The following CTNNA3 variants were observed in gnomAD, a reference collection of about 807,000 sequenced individuals.
CTNNA3 encodes the protein catenin alpha 3, also known as catenin alpha-3.
Under a neutral mutation model 95.7 loss-of-function variants are expected in CTNNA3, and 76 were observed. The ratio of observed to expected loss-of-function variants is 0.79; its 90% confidence interval spans 0.66 to 0.96. The LOEUF (loss-of-function observed/expected upper bound fraction) is 0.96, where lower values mean the gene tolerates loss of function less well. Among genes scored for constraint, CTNNA3 ranks in the 40% least tolerant of loss-of-function variants. CTNNA3 has a pLI of 0.00. For synonymous variants in CTNNA3, 431 were observed against 374.4 expected, an observed-to-expected ratio of 1.15 and a Z score of -1.74; for missense variants, 1,191 against 1,089.8, an observed-to-expected ratio of 1.09 and a Z score of -1.31.
intron 7 of CTNNA3, among the ~76,000 whole-genome samples, chr10:66,970,293 C>T (rs1453215661): frequency 6.6e-6 from 1 of 152,142 alleles, no homozygotes; most frequent in Admixed American, 6.5e-5. Flanking sequence ...TTTACAGTTA[C>T]TCTGTTGTAT....
At chr10:66,569,330 T>A (rs1326704120) in intron 10 of CTNNA3, among the ~76,000 whole-genome samples, 1 of 152,174 alleles carries the variant, frequency 6.6e-6, no homozygotes, top group Non-Finnish European at 1.5e-5. Flanking sequence ...ATTATCAAGG[T>A]TAATAAGAGA....
At chr10:65,985,031 G>A (rs570265114) in intron 16 of CTNNA3, among the ~76,000 whole-genome samples, 11 of 150,792 alleles carry the variant, frequency 7.3e-5, no homozygotes, top group Non-Finnish European at 1.3e-4. Flanking sequence ...AAAGTAACAC[G>A]GAAAAGACAT....
At chr10:67,370,237 C>A (rs1429779223) in intron 5 of CTNNA3, among the ~76,000 whole-genome samples, 1 of 152,046 alleles carries the variant, frequency 6.6e-6, no homozygotes, top group South Asian at 2.1e-4. Flanking sequence ...AAGATCTCCA[C>A]TTGATTTTTT....
At chr10:67,672,205 T>C (rs1289659494) in intron 1 of CTNNA3, among the ~76,000 whole-genome samples, 1 of 152,186 alleles carries the variant, frequency 6.6e-6, no homozygotes, top group Non-Finnish European at 1.5e-5. Flanking sequence ...TTGGTGGGGT[T>C]GTTTGTTTTT....
intron 7 of CTNNA3, among the ~76,000 whole-genome samples, chr10:66,831,634 T>C (rs752388999): frequency 2.4e-4 from 36 of 151,870 alleles, no homozygotes; most frequent in Non-Finnish European, 4.7e-4. Flanking sequence ...AGACAGTAAA[T>C]CCTCAGCCTA....
At chr10:67,385,409 A>G (rs1211611240) in intron 5 of CTNNA3, among the ~76,000 whole-genome samples, 1 of 152,334 alleles carries the variant, frequency 6.6e-6, no homozygotes, top group Non-Finnish European at 1.5e-5. Context: ...ACTTGAACCA[A>G]AAAGAACACT....
intron 9 of CTNNA3, among the ~76,000 whole-genome samples, chr10:66,642,291 CACACACACACACACAA>C (rs1845546568): frequency 1.5e-5 from 2 of 132,176 alleles, no homozygotes; most frequent in East Asian, 5.7e-4. Flanking sequence ...CACACACACA[CACACACACACACACAA>C]AACCTGATAT....
chr10:67,286,802 C>T (rs944402637), intron 5 of CTNNA3, among the ~76,000 whole-genome samples: 5 of 152,110 alleles, frequency 3.3e-5, no homozygotes, highest in African/African-American at 1.2e-4. Context: ...CACAGAACTA[C>T]AAAATTTTAA....
intron 1 of CTNNA3, among the ~76,000 whole-genome samples, chr10:67,655,777 C>T (rs1274230938): frequency 7.7e-6 from 1 of 129,618 alleles, no homozygotes; most frequent in Admixed American, 7.4e-5. Flanking sequence ...AGCGAGACTC[C>T]GTCTCAAAAA....
intron 10 of CTNNA3, among the ~76,000 whole-genome samples, chr10:66,563,950 C>T (rs1842629023): frequency 6.6e-6 from 1 of 152,036 alleles, no homozygotes; most frequent in Non-Finnish European, 1.5e-5. Context: ...CAATGTACAT[C>T]TTATATATAT....
At chr10:67,332,081 G>C (rs999703970) in intron 5 of CTNNA3, among the ~76,000 whole-genome samples, 7 of 152,142 alleles carry the variant, frequency 4.6e-5, no homozygotes, top group Admixed American at 3.3e-4. Flanking sequence ...GAATCTGTGT[G>C]ATTAAGTCTA....
intron 7 of CTNNA3, among the ~76,000 whole-genome samples, chr10:66,948,669 A>C (rs892365157): frequency 2.2e-4 from 34 of 152,214 alleles, no homozygotes; most frequent in African/African-American, 7.7e-4. Flanking sequence ...GGGGTGTTCT[A>C]TCCTGGACTG....
chr10:67,059,045 C>T (rs780100116), intron 7 of CTNNA3, among the ~76,000 whole-genome samples: 7 of 152,204 alleles, frequency 4.6e-5, no homozygotes, highest in Non-Finnish European at 8.8e-5. Context: ...GGACATTTCT[C>T]ACAAAGGATT....
chr10:66,766,499 C>T, intron 8 of CTNNA3, 83 bp from the exon 9 acceptor site: 3 of 1,218,274 alleles, frequency 2.5e-6, no homozygotes, highest in Admixed American at 2.3e-5. Context: ...TCAGTAGTTA[C>T]ACAACTCATT....
At chr10:66,955,345 T>C (rs1317213257) in intron 7 of CTNNA3, among the ~76,000 whole-genome samples, 1 of 152,194 alleles carries the variant, frequency 6.6e-6, no homozygotes, top group East Asian at 1.9e-4. Flanking sequence ...GATTACTCAC[T>C]ATGTACCAAG....
At chr10:66,768,131 A>G (rs1317998579) in intron 8 of CTNNA3, among the ~76,000 whole-genome samples, 2 of 152,210 alleles carry the variant, frequency 1.3e-5, no homozygotes, top group Non-Finnish European at 2.9e-5. Context: ...TGAAGAGAAA[A>G]GTAGAGATTC....
rs543360842 is a variant in CTNNA3, at chr10:67,701,270, G to C, written c.-1-53756C>G. Among the ~76,000 whole-genome samples, 4 of 152,240 alleles carry C rather than the reference G, an allele frequency of 2.6e-5. No homozygotes were observed. In the South Asian group the frequency reaches 6.2e-4, roughly 24 times the overall value. ...CCAACATTCAGACTCAGGAAATACAGAGAATGTCACAAAGATACTCCTCGA... is the reference window on the plus strand; with the variant it reads ...CCAACATTCAGACTCAGGAAATACACAGAATGTCACAAAGATACTCCTCGA... On this transcript the variant is annotated intron_variant, in intron 1 of 17. Transcript: ENST00000684154.
At chr10:67,749,652 C>T (rs1841393988) in intron 1 of CTNNA3, among the ~76,000 whole-genome samples, 1 of 152,192 alleles carries the variant, frequency 6.6e-6, no homozygotes, top group Non-Finnish European at 1.5e-5. Flanking sequence ...TTCTGGGATG[C>T]AGCTAAAGCA....
intron 7 of CTNNA3, among the ~76,000 whole-genome samples, chr10:66,783,121 C>T (rs924589324): frequency 6.6e-6 from 1 of 152,126 alleles, no homozygotes; most frequent in African/African-American, 2.4e-5. Context: ...ACACTACACT[C>T]CAGCTTGTTG....
Sources: gnomAD v4.1 joint callset for allele counts (sites outside exome capture counted in the v4.1 genomes callset) on GRCh38, gnomAD v4.1.1 for gene constraint, MANE v1.5 for transcripts, NCBI Gene and HGNC (gene_info 2026-07-23, HGNC 2026-07-21) for gene names.